The following EIF1 variants were observed in gnomAD, a reference collection of about 807,000 sequenced individuals.
EIF1 encodes the protein eukaryotic translation initiation factor 1, also known as protein translation factor SUI1 homolog.
EIF1 carries 4 observed loss-of-function variants against 13.7 expected under a neutral mutation model. The ratio of observed to expected loss-of-function variants is 0.29; its 90% CI spans 0.14 to 0.67. The LOEUF (loss-of-function observed/expected upper bound fraction) is 0.67, where lower values mean the gene tolerates loss of function less well. Ranked by LOEUF, EIF1 falls within the 30% of genes least tolerant of loss-of-function variation. The pLI, the probability that EIF1 is intolerant of heterozygous loss-of-function variation, is 0.77. For synonymous variants in EIF1, 67 were observed against 50.7 expected, an observed-to-expected ratio of 1.32 and a Z score of -1.37; for missense variants, 64 against 138.0, an observed-to-expected ratio of 0.46 and a Z score of 2.69.
At position 41,689,832 on chromosome 17, in the gene EIF1, A is replaced by G; in HGVS notation, c.86A>G (p.Asp29Gly). ...GACCTGCTTCCTGCTGGCACTGAGG[A>G]TTATATCCATATAAGAATTCAACAG... The part of the protein sequence containing the change: ...GDDLLPAGTE[D>G]YIHIRIQQRN... The change falls in exon 2 of 4, where the codon GAT (aspartate) becomes GGT (glycine). Residue 29 changes from aspartate (D) to glycine (G), a missense_variant. This residue lies in a region of EIF1 where 29 missense variants were observed against 34.7 expected (regional missense o/e 0.84). Coordinates refer to ENST00000469257, the MANE Select transcript of EIF1 (RefSeq NM_005801.4). 6.2e-7 allele frequency: 1 copy of G among 1,613,956 alleles called. No homozygotes were observed. Among genetic ancestry groups the G allele is most frequent in the Non-Finnish European group, 8.5e-7 (1 of 1,179,912 alleles).
chr17:41,691,123 AC>A lies in EIF1; in HGVS notation c.*298del. The A allele has an allele frequency of 1.9e-6, 1 of 536,684 alleles. No homozygotes were observed. Among genetic ancestry groups the A allele is most frequent in the Non-Finnish European group, 3.3e-6 (1 of 300,634 alleles). The allele number at this position is 536,684 out of a possible 1,614,324, so 33.2% of individuals were successfully genotyped here. A position where few individuals can be genotyped will look rare whatever the true frequency, so the allele number is the denominator to read the frequency against. On this transcript the variant is annotated 3_prime_UTR_variant, in exon 4 of 4. Transcript: ENST00000469257. Reference sequence around the variant, plus strand: ...CAAGCCCAGAGCCCTAAGATTACAAACAACTATGGCCGGAACCTCCTCAGCT... The same window carrying A: ...CAAGCCCAGAGCCCTAAGATTACAAAAACTATGGCCGGAACCTCCTCAGCT...
chr17:41,689,926 G>T lies in EIF1; in HGVS notation c.180G>T (p.Val60=). ...ATGATTACGATAAAAAGAAACTAGT[G>T]AAGGCGTTTAAGAAAGTAGGTCTTC... is the stretch of plus-strand genomic sequence containing the variant. ...IADDYDKKKL[V]KAFKKKFACN... Residue 60 remains valine, a synonymous_variant, in exon 2 of 4, where the codon GTG becomes GTT. Coordinates refer to ENST00000469257, the MANE Select transcript of EIF1 (RefSeq NM_005801.4). The T allele has an allele frequency of 1.2e-6, 2 of 1,610,762 alleles. No homozygotes were observed. Among genetic ancestry groups the T allele is most frequent in the Non-Finnish European group, 1.7e-6 (2 of 1,178,550 alleles).
rs189051320 is a variant in EIF1, at chr17:41,691,381, G to A, written c.*555G>A. On this transcript the variant is annotated 3_prime_UTR_variant, in exon 4 of 4. Transcript: ENST00000469257. ...TCTGGCTTGCCACAAAGGTCTGTTC[G>A]ACCAGACATATCCTAGCTAAGGGAT... is the stretch of plus-strand genomic sequence containing the variant. 2 of 164,984 alleles carry A rather than the reference G, an allele frequency of 1.2e-5. No homozygotes were observed. The highest frequency in any genetic ancestry group is 2.0e-4 in the South Asian group (1 of 5,106). The allele number at this position is 164,984 out of a possible 1,614,324, so 10.2% of individuals were successfully genotyped here.
At chr17:41,690,518 A>G in intron 3 of EIF1, 1 of 561,230 alleles carries the variant, frequency 1.8e-6, no homozygotes, top group South Asian at 2.5e-5. Flanking sequence ...TAATACTAAA[A>G]TACTGTTACA....
At position 41,689,875 on chromosome 17, in the gene EIF1, C is replaced by T; in HGVS notation, c.129C>T (p.Thr43=). The T allele has an allele frequency of 1.2e-6, 2 of 1,613,926 alleles. No homozygotes were observed. Among genetic ancestry groups the T allele is most frequent in the East Asian group, 2.2e-5 (1 of 44,870 alleles). ...TTCAACAGAGAAACGGCAGGAAGACCCTTACTACTGTCCAAGGGATCGCTG... is the reference window on the plus strand; with the variant it reads ...TTCAACAGAGAAACGGCAGGAAGACTCTTACTACTGTCCAAGGGATCGCTG... ...IRIQQRNGRK[T]LTTVQGIADD... is the part of the protein sequence containing the mutation. Residue 43 remains threonine, a synonymous_variant, in exon 2 of 4, where the codon ACC becomes ACT. Transcript: ENST00000469257.
Position 41,690,898 on chromosome 17 carries a change from C to G in EIF1, c.*72C>G, listed in dbSNP as rs1190876375. The G allele has an allele frequency of 6.4e-7, 1 of 1,569,936 alleles. No individual in the cohort carries two copies. Among genetic ancestry groups the G allele is most frequent in the South Asian group, 1.1e-5 (1 of 90,128 alleles). ...GTAGAATTTCCCTTCTCTCCCTTGTCACAGGTTTAAAAACCTCACAGCTTG... is the reference window on the plus strand; with the variant it reads ...GTAGAATTTCCCTTCTCTCCCTTGTGACAGGTTTAAAAACCTCACAGCTTG... On this transcript the variant is annotated 3_prime_UTR_variant, in exon 4 of 4. Transcript: ENST00000469257.
intron 3 of EIF1, 188 bp downstream of exon 3, chr17:41,690,377 A>G: frequency 3.4e-6 from 2 of 582,780 alleles, no homozygotes; most frequent in Non-Finnish European, 6.0e-6. Flanking sequence ...CCTTTGGTTT[A>G]CTGTTTCTGT....
Position 41,692,394 on chromosome 17 carries a change from A to G in EIF1, c.*1568A>G, listed in dbSNP as rs529375012. 5 of 152,346 alleles carry G rather than the reference A, an allele frequency of 3.3e-5. No individual in the cohort carries two copies. In the East Asian group the frequency reaches 9.6e-4, roughly 29 times the overall value. 9.4% of individuals were successfully genotyped at this position (152,346 alleles called of 1,614,324 possible). A position where few individuals can be genotyped will look rare whatever the true frequency, so the allele number is the denominator to read the frequency against. Reference sequence around the variant, plus strand: ...TGGGAGGCCATCCCTTATGAAGGACAATGAATGGCAAGTAAAAGACCAAGT... The same window carrying G: ...TGGGAGGCCATCCCTTATGAAGGACGATGAATGGCAAGTAAAAGACCAAGT... On this transcript the variant is annotated 3_prime_UTR_variant, in exon 4 of 4. Coordinates refer to ENST00000469257, the MANE Select transcript of EIF1 (RefSeq NM_005801.4).
chr17:41,690,808 G>C lies in EIF1; in HGVS notation c.324G>C (p.Leu108=). Reference sequence around the variant, plus strand: ...TTGGACTGGCTAAGGACGATCAGCTGAAGGTTCATGGGTTTTAAGTGCTTG... The same window carrying C: ...TTGGACTGGCTAAGGACGATCAGCTCAAGGTTCATGGGTTTTAAGTGCTTG... ...VEIGLAKDDQ[L]KVHGF is the part of the protein sequence containing the mutation. The change falls in exon 4 of 4, where the codon CTG becomes CTC. Residue 108 remains leucine, a synonymous_variant. Coordinates refer to ENST00000469257, the MANE Select transcript of EIF1 (RefSeq NM_005801.4). 1 of 1,613,888 alleles carries C rather than the reference G, an allele frequency of 6.2e-7. No individual in the cohort carries two copies. The highest frequency in any genetic ancestry group is 8.5e-7 in the Non-Finnish European group (1 of 1,179,870).
rs901890624 is a variant in EIF1, at chr17:41,688,958, TC to T, written c.-75del. On this transcript the variant is annotated 5_prime_UTR_variant, in exon 1 of 4. Coordinates refer to ENST00000469257, the MANE Select transcript of EIF1 (RefSeq NM_005801.4). ...GCCCCCTCGCTTCCCGACGTTCCGT[TC>T]CCCCCTGCCCGCCTTCTCCCGCCAC... 8 of 1,475,350 alleles carry T rather than the reference TC, an allele frequency of 5.4e-6. No individual in the cohort carries two copies. The highest frequency in any genetic ancestry group is 4.2e-5 in the African/African-American group (3 of 72,238). 91.4% of individuals were successfully genotyped at this position (1,475,350 alleles called of 1,614,324 possible).
At chr17:41,689,554 C>T in intron 1 of EIF1, 1 of 506,962 alleles carries the variant, frequency 2.0e-6, no homozygotes, top group South Asian at 2.9e-5. Flanking sequence ...ATGTGATCGG[C>T]TTCCCAGGGA....
chr17:41,690,396 T>C, intron 3 of EIF1: 1 of 575,276 alleles, frequency 1.7e-6, no homozygotes, highest in South Asian at 2.3e-5. Context: ...GTGGATCTAC[T>C]TCACAGATGC....
chr17:41,689,703 A>C, intron 1 of EIF1, 75 bp from the exon 2 acceptor site: 1 of 1,459,284 alleles, frequency 6.9e-7, no homozygotes, highest in Admixed American at 2.3e-5. Flanking sequence ...CACGCGCAAA[A>C]CACCTGGGGA....
rs535837980 is a variant in EIF1, at chr17:41,691,502, T to C, written c.*676T>C. ...CTGATCCATCAGTCATGTAGCTAGC[T>C]GTAGAGCTTGCAACTTAATAGCAGC... On this transcript the variant is annotated 3_prime_UTR_variant, in exon 4 of 4. Coordinates refer to ENST00000469257, the MANE Select transcript of EIF1 (RefSeq NM_005801.4). The C allele has an allele frequency of 6.5e-6, 1 of 153,084 alleles. No homozygotes were observed. Among genetic ancestry groups the C allele is most frequent in the African/African-American group, 2.4e-5 (1 of 41,592 alleles). 9.5% of individuals were successfully genotyped at this position (153,084 alleles called of 1,614,324 possible).
intron 3 of EIF1, chr17:41,690,509 A>G (rs973148238): frequency 1.8e-6 from 1 of 558,094 alleles, no homozygotes; most frequent in African/African-American, 1.9e-5. Context: ...CCTGAGTATT[A>G]ATACTAAAAT....
At chr17:41,689,749 C>T (rs199557264) in intron 1 of EIF1, 29 bp from the exon 2 acceptor site, 2 of 1,565,242 alleles carry the variant, frequency 1.3e-6, no homozygotes, top group African/African-American at 2.7e-5. Context: ...TCTTTGACAG[C>T]TCTGAACGAG....
intron 3 of EIF1, 127 bp from the exon 4 acceptor site, chr17:41,690,655 G>C: frequency 1.0e-6 from 1 of 972,046 alleles, no homozygotes; most frequent in Non-Finnish European, 1.6e-6. Flanking sequence ...ACCCTCTGTT[G>C]AACCATTGTG....
rs894487638 is a variant in EIF1 at position 41,692,284 on chromosome 17, C to G, written c.*1458C>G. 1.3e-5 allele frequency: 2 copies of G among 152,134 alleles called. No homozygotes were observed. Among genetic ancestry groups the G allele is most frequent in the Non-Finnish European group, 2.9e-5 (2 of 68,036 alleles). 9.4% of individuals were successfully genotyped at this position (152,134 alleles called of 1,614,324 possible). ...ATGCTGTGGGTTAAGATCCACAAAT[C>G]GCTAGGAATGTGTATACTCTGGGTA... On this transcript the variant is annotated 3_prime_UTR_variant, in exon 4 of 4. Transcript: ENST00000469257.
chr17:41,689,587 C>G (rs960130449), intron 1 of EIF1, 191 bp from the exon 2 acceptor site: 2 of 540,306 alleles, frequency 3.7e-6, no homozygotes, highest in East Asian at 6.4e-5. Context: ...CGGGCGTTCC[C>G]CGAGCCTGGG....
Sources: gnomAD v4.1 joint callset for allele counts on GRCh38, gnomAD v4.1.1 for gene constraint, gnomAD v4.1.1 regional missense constraint, MANE v1.5 for transcripts, NCBI Gene and HGNC (gene_info 2026-07-23, HGNC 2026-07-21) for gene names.